Variants in ADGRL2 observed in about 807,000 individuals in gnomAD.
The protein encoded by ADGRL2 is adhesion G protein-coupled receptor L2.
A neutral mutation model predicts 157.4 loss-of-function variants in ADGRL2; 44 were observed. The observed-to-expected ratio is 0.28, with a 90% CI of 0.22 to 0.36. The LOEUF (loss-of-function observed/expected upper bound fraction) is 0.36. Among genes scored for constraint, ADGRL2 ranks in the 10% least tolerant of loss-of-function variants. The probability of loss-of-function intolerance (pLI) is 1.00; values close to 1 mark genes in which losing one functional copy is unlikely to be tolerated. For synonymous variants in ADGRL2, 585 were observed against 624.7 expected, an observed-to-expected ratio of 0.94 and a Z score of 0.95; for missense variants, 1,510 against 1,768.9, an observed-to-expected ratio of 0.85 and a Z score of 2.63.
At chr1:81,864,300 G>A (rs1368345970) in intron 2 of ADGRL2, among the ~76,000 whole-genome samples, 2 of 6,462 alleles carry the variant, frequency 3.1e-4, no homozygotes, top group African/African-American at 5.6e-4. Flanking sequence ...TCATGTGTCT[G>A]AAGTCAGCAT....
intron 3 of ADGRL2, among the ~76,000 whole-genome samples, chr1:81,675,572 GT>G (rs3045497): frequency 0.17 from 24,746 of 143,376 alleles, 1,837 homozygotes; most frequent in African/African-American, 0.21. Flanking sequence ...AAAATAAACT[GT>G]TTTTTTTTTT....
rs374306241 is a variant in ADGRL2 at position 81,968,141 on chromosome 1, C to T, written c.2465C>T (p.Thr822Met). 56 of 1,612,748 alleles carry T rather than the reference C, an allele frequency of 3.5e-5. No individual in the cohort carries two copies. Among genetic ancestry groups the T allele is most frequent in the African/African-American group, 1.9e-4 (14 of 74,810 alleles). The change falls in exon 14 of 24, where the codon ACG becomes ATG. Residue 822 changes from threonine (T) to methionine (M), a missense_variant. Thr to Met is a moderately conservative substitution (Grantham distance 81, BLOSUM62 -1). Around this residue, in one of 4 missense-constraint regions of ADGRL2, gnomAD observed 497 missense variants for 627.2 expected, o/e 0.79. Transcript: ENST00000686636. Reference sequence around the variant, plus strand: ...GTTGACACTAATAAAACTCGAACAACGTGTGCATGCAGCCACCTAACCAAT... The same window carrying T: ...GTTGACACTAATAAAACTCGAACAATGTGTGCATGCAGCCACCTAACCAAT... The part of the protein sequence containing the change: ...KLVDTNKTRT[T>M]CACSHLTNFA...
intron 1 of ADGRL2, among the ~76,000 whole-genome samples, chr1:81,706,490 A>C (rs977571867): frequency 1.3e-5 from 2 of 152,206 alleles, no homozygotes; most frequent in Non-Finnish European, 2.9e-5. Context: ...TTTCCAGAGA[A>C]GAGCAGTGTG....
chr1:81,371,413 G>A (rs1042348604), intron 1 of ADGRL2, among the ~76,000 whole-genome samples: 2 of 152,172 alleles, frequency 1.3e-5, no homozygotes, highest in Non-Finnish European at 2.9e-5. Context: ...TAAAAAAGAT[G>A]AGTTTGTAGA....
chr1:81,842,429 C>T (rs1454993545), intron 2 of ADGRL2, among the ~76,000 whole-genome samples: 2 of 145,406 alleles, frequency 1.4e-5, no homozygotes, highest in African/African-American at 5.1e-5. Flanking sequence ...ATGATCTCCG[C>T]TCACTGAAAC....
At chr1:81,858,502 G>C (rs1380511576) in intron 2 of ADGRL2, among the ~76,000 whole-genome samples, 1 of 152,074 alleles carries the variant, frequency 6.6e-6, no homozygotes, top group African/African-American at 2.4e-5. Flanking sequence ...AAGAACAAAG[G>C]TGGTATAAAA....
intron 3 of ADGRL2, among the ~76,000 whole-genome samples, chr1:81,607,718 A>T (rs2081463010): frequency 6.6e-6 from 1 of 152,192 alleles, no homozygotes; most frequent in Admixed American, 6.5e-5. Flanking sequence ...ATATTTTAGA[A>T]ATCTCTCCCA....
At chr1:81,428,872 G>T (rs1355487234) in intron 1 of ADGRL2, among the ~76,000 whole-genome samples, 1 of 152,104 alleles carries the variant, frequency 6.6e-6, no homozygotes, top group African/African-American at 2.4e-5. Flanking sequence ...GAGAGAGAGG[G>T]ACAGTGGGAG....
At chr1:81,675,659 G>T (rs553371713) in intron 3 of ADGRL2, among the ~76,000 whole-genome samples, 1 of 150,614 alleles carries the variant, frequency 6.6e-6, no homozygotes, top group African/African-American at 2.4e-5. Flanking sequence ...TTGGCTCACT[G>T]CAACCTCTGC....
intron 22 of ADGRL2, 167 bp downstream of exon 22, chr1:81,987,196 C>A: frequency 7.6e-7 from 1 of 1,308,872 alleles, no homozygotes; most frequent in Non-Finnish European, 1.1e-6. Context: ...TAAAACTGCA[C>A]TATATTATAG....
chr1:81,973,977 C>T lies in ADGRL2; in HGVS notation c.3021+2059C>T, dbSNP rs147226043. Among the ~76,000 whole-genome samples, 704 of 152,132 alleles carry T rather than the reference C, an allele frequency of 4.6e-3. 2 individuals carry two copies. Among genetic ancestry groups the T allele is most frequent in the African/African-American group, 0.016 (675 of 41,480 alleles). On this transcript the variant is annotated intron_variant, in intron 17 of 23. Coordinates refer to ENST00000686636, the MANE Select transcript of ADGRL2 (RefSeq NM_001366006.2). ...TATCTTCCCTCTGGTGATGATAAGACATGTAAACTCAATTCAGGCACAAAT... is the reference window on the plus strand; with the variant it reads ...TATCTTCCCTCTGGTGATGATAAGATATGTAAACTCAATTCAGGCACAAAT...
At chr1:81,720,415 C>T (rs547552959) in intron 1 of ADGRL2, among the ~76,000 whole-genome samples, 1 of 151,918 alleles carries the variant, frequency 6.6e-6, no homozygotes, top group Non-Finnish European at 1.5e-5. Context: ...AAGTGATCCG[C>T]CTGCCTCGGC....
At chr1:81,865,617 A>G (rs1213396457) in intron 2 of ADGRL2, among the ~76,000 whole-genome samples, 1 of 152,264 alleles carries the variant, frequency 6.6e-6, no homozygotes, top group Non-Finnish European at 1.5e-5. Flanking sequence ...CCTGAGAGAT[A>G]CCCAGGGAGT....
At chr1:81,516,460 C>T (rs2079180250) in intron 2 of ADGRL2, among the ~76,000 whole-genome samples, 1 of 152,150 alleles carries the variant, frequency 6.6e-6, no homozygotes, top group Non-Finnish European at 1.5e-5. Flanking sequence ...TTACTCAACA[C>T]CCCCATCACT....
Position 81,520,744 on chromosome 1 carries a change from T to C in ADGRL2, c.-247-60132T>C, listed in dbSNP as rs375563555. On this transcript the variant is annotated intron_variant, in intron 2 of 24. Coordinates refer to the ADGRL2 transcript ENST00000370721. ...TGTGAGTCAATTAAACCTCTTTCCT[T>C]TACAAATTACCAGTCTTGGGTAGTT... Among the ~76,000 whole-genome samples, 41 of 152,256 alleles carry C rather than the reference T, an allele frequency of 2.7e-4. 6 individuals carry two copies. The East Asian group carries it at 2.7e-3, about 10-fold the overall frequency.
upstream of ADGRL2, among the ~76,000 whole-genome samples, chr1:81,797,246 A>C (rs545634547): frequency 1.3e-5 from 2 of 152,322 alleles, no homozygotes; most frequent in Admixed American, 6.5e-5. Context: ...AATGAGAGTC[A>C]TTCCACGTGT....
intron 2 of ADGRL2, among the ~76,000 whole-genome samples, chr1:81,889,231 T>A (rs1165162087): frequency 6.6e-6 from 1 of 152,234 alleles, no homozygotes; most frequent in Non-Finnish European, 1.5e-5. Context: ...ATCAAAAGCT[T>A]AGACAGAACG....
chr1:81,725,095 C>G (rs2084472586), intron 1 of ADGRL2, among the ~76,000 whole-genome samples: 1 of 149,330 alleles, frequency 6.7e-6, no homozygotes, highest in Non-Finnish European at 1.5e-5. Flanking sequence ...ATCTCAGCTA[C>G]TTGGGAGGCT....
At chr1:81,930,814 T>A (rs2095214349) in intron 3 of ADGRL2, among the ~76,000 whole-genome samples, 1 of 151,996 alleles carries the variant, frequency 6.6e-6, no homozygotes, top group African/African-American at 2.4e-5. Context: ...ACTACAGGGA[T>A]GAGTTTTTAA....
Sources: gnomAD v4.1 joint callset for allele counts (sites outside exome capture counted in the v4.1 genomes callset) on GRCh38, gnomAD v4.1.1 for gene constraint, gnomAD v4.1.1 regional missense constraint, MANE v1.5 for transcripts, NCBI Gene and HGNC (gene_info 2026-07-23, HGNC 2026-07-21) for gene names.